The following ZSWIM5 variants were observed in gnomAD, a reference collection of about 807,000 sequenced individuals.
The protein encoded by ZSWIM5 is zinc finger SWIM-type containing 5.
Under a neutral mutation model 119.6 loss-of-function variants are expected in ZSWIM5, and 55 were observed. That is an observed-to-expected ratio of 0.46 (90% CI 0.37 to 0.58). ZSWIM5 has a LOEUF of 0.58. Among genes scored for constraint, ZSWIM5 ranks in the 20% least tolerant of loss-of-function variants. ZSWIM5 has a pLI of 0.00. For synonymous variants in ZSWIM5, 537 were observed against 606.9 expected, an observed-to-expected ratio of 0.88 and a Z score of 1.69; for missense variants, 1,193 against 1,512.8, an observed-to-expected ratio of 0.79 and a Z score of 3.51.
At chr1:45,128,612 C>A (rs1645635836) in intron 1 of ZSWIM5, among the ~76,000 whole-genome samples, 1 of 152,118 alleles carries the variant, frequency 6.6e-6, no homozygotes, top group Admixed American at 6.5e-5. Context: ...CATAAACGTG[C>A]CAGCTAATAT....
intron 1 of ZSWIM5, among the ~76,000 whole-genome samples, chr1:45,199,811 C>G (rs1394287574): frequency 1.3e-5 from 2 of 152,112 alleles, no homozygotes; most frequent in Non-Finnish European, 2.9e-5. Context: ...GGCTTTGATG[C>G]CCAACCTAAC....
At chr1:45,026,471 A>G (rs1221961189) in intron 11 of ZSWIM5, among the ~76,000 whole-genome samples, 2 of 151,934 alleles carry the variant, frequency 1.3e-5, no homozygotes, top group African/African-American at 4.8e-5. Flanking sequence ...CTGATGAATG[A>G]CTTTTCTTCT....
intron 11 of ZSWIM5, among the ~76,000 whole-genome samples, chr1:45,027,406 A>C (rs1644927104): frequency 6.6e-6 from 1 of 151,882 alleles, no homozygotes; most frequent in Non-Finnish European, 1.5e-5. Flanking sequence ...TTAATTAATT[A>C]ATTTTTTTTG....
At chr1:45,175,750 C>A (rs1645976358) in intron 1 of ZSWIM5, among the ~76,000 whole-genome samples, 1 of 150,924 alleles carries the variant, frequency 6.6e-6, no homozygotes, top group South Asian at 2.1e-4. Flanking sequence ...TGGCACCTGG[C>A]CTTTAAAAAA....
At chr1:45,081,393 C>T (rs993883933) in intron 2 of ZSWIM5, among the ~76,000 whole-genome samples, 3 of 152,224 alleles carry the variant, frequency 2.0e-5, no homozygotes, top group African/African-American at 7.2e-5. Flanking sequence ...GCCATCTCAG[C>T]TCACTGCAAC....
chr1:45,120,132 T>G (rs970087135), intron 1 of ZSWIM5, among the ~76,000 whole-genome samples: 5 of 152,170 alleles, frequency 3.3e-5, no homozygotes, highest in African/African-American at 1.2e-4. Context: ...TCACTTGAGG[T>G]CAGGCATTCT....
chr1:45,035,162 C>T (rs1401582547), intron 10 of ZSWIM5, among the ~76,000 whole-genome samples: 2 of 152,212 alleles, frequency 1.3e-5, no homozygotes, highest in African/African-American at 2.4e-5. Context: ...CCCAGCCTTA[C>T]AGTCTGACTA....
chr1:45,183,162 G>T (rs1219953011), intron 1 of ZSWIM5, among the ~76,000 whole-genome samples: 3 of 151,722 alleles, frequency 2.0e-5, no homozygotes, highest in South Asian at 2.1e-4. Context: ...GGTACATAAC[G>T]AAATGAAGGC....
At chr1:45,023,677 A>C (rs1015103378) in intron 11 of ZSWIM5, among the ~76,000 whole-genome samples, 1 of 152,178 alleles carries the variant, frequency 6.6e-6, no homozygotes, top group Admixed American at 6.5e-5. Flanking sequence ...ATTCATGTGC[A>C]GGCTTTTGTG....
At chr1:45,167,317 C>T (rs1226913) in intron 1 of ZSWIM5, among the ~76,000 whole-genome samples, 49,424 of 150,576 alleles carry the variant, frequency 0.33, 9,404 homozygotes, top group African/African-American at 0.52. Context: ...TATACAAAAA[C>T]TAATTCAAGA....
intron 1 of ZSWIM5, among the ~76,000 whole-genome samples, chr1:45,172,689 G>A (rs1226750): frequency 0.063 from 9,563 of 152,054 alleles, 381 homozygotes; most frequent in East Asian, 0.11. Flanking sequence ...CCCCCAAAAG[G>A]AACTACAAAG....
intron 1 of ZSWIM5, among the ~76,000 whole-genome samples, chr1:45,173,334 C>T (rs1557788332): frequency 3.3e-5 from 5 of 152,044 alleles, no homozygotes; most frequent in Admixed American, 2.0e-4. Flanking sequence ...TAAGTCTGTA[C>T]ATTAAAAGTG....
At chr1:45,060,327 T>C in intron 2 of ZSWIM5, 80 bp from the exon 3 acceptor site, 5 of 1,486,468 alleles carry the variant, frequency 3.4e-6, no homozygotes, top group Non-Finnish European at 3.7e-6. Context: ...TTTGTGAGCA[T>C]ATTCAAACAG....
Position 45,062,231 on chromosome 1 carries a change from G to A in ZSWIM5, c.953-1984C>T, listed in dbSNP as rs60123910. ...CATAAATCAATACTCTATAGGTGTG[G>A]TCATGCCATAGGTTACAAATTCATG... On this transcript the variant is annotated intron_variant, in intron 2 of 13. Transcript: ENST00000359600. 4.5e-3 allele frequency among the ~76,000 whole-genome samples: 689 copies of A among 152,240 alleles called. 8 individuals carry two copies. The highest frequency in any genetic ancestry group is 0.016 in the African/African-American group (648 of 41,534).
chr1:45,047,303 G>A (rs1394946881), intron 5 of ZSWIM5, among the ~76,000 whole-genome samples: 3 of 152,112 alleles, frequency 2.0e-5, no homozygotes, highest in African/African-American at 7.2e-5. Flanking sequence ...TTTAGCAACA[G>A]TTAGCATAAG....
intron 1 of ZSWIM5, among the ~76,000 whole-genome samples, chr1:45,126,981 G>A (rs1402027998): frequency 6.6e-6 from 1 of 152,064 alleles, no homozygotes; most frequent in African/African-American, 2.4e-5. Context: ...TGGGATTACA[G>A]GCACAAGACA....
Position 45,071,298 on chromosome 1 carries a change from T to C in ZSWIM5, c.953-11051A>G, listed in dbSNP as rs551331574. Among the ~76,000 whole-genome samples, 3 of 152,124 alleles carry C rather than the reference T, an allele frequency of 2.0e-5. No homozygotes were observed. The East Asian group carries it at 5.8e-4, about 29-fold the overall frequency. ...TACCCTTCCCAGCCTCTCATAACCA[T>C]CCTTCTACTCTATCTCTATGAGCTC... On this transcript the variant is annotated intron_variant, in intron 2 of 13. Transcript: ENST00000359600.
chr1:45,058,859 G>T, intron 3 of ZSWIM5, 100 bp from the exon 4 acceptor site: 1 of 1,356,250 alleles, frequency 7.4e-7, no homozygotes, highest in Non-Finnish European at 1.0e-6. Flanking sequence ...AAGTATCTGA[G>T]TACACCATAT....
intron 6 of ZSWIM5, among the ~76,000 whole-genome samples, chr1:45,041,273 G>C (rs1431515939): frequency 6.6e-6 from 1 of 152,150 alleles, no homozygotes; most frequent in Non-Finnish European, 1.5e-5. Context: ...AAAAGGTAGA[G>C]TCTGGAATGT....
Sources: gnomAD v4.1 joint callset for allele counts (sites outside exome capture counted in the v4.1 genomes callset) on GRCh38, gnomAD v4.1.1 for gene constraint, MANE v1.5 for transcripts, NCBI Gene and HGNC (gene_info 2026-07-23, HGNC 2026-07-21) for gene names.